SMAD9: variants seen among roughly 807,000 people sequenced by gnomAD.
The protein encoded by SMAD9 is SMAD family member 9.
In SMAD9, 36 loss-of-function variants were observed where a neutral mutation model predicts 46.1. The ratio of observed to expected loss-of-function variants is 0.78; its 90% confidence interval spans 0.60 to 1.03. SMAD9 has a LOEUF of 1.03. Among genes scored for constraint, SMAD9 ranks in the 50% least tolerant of loss-of-function variants. SMAD9 has a pLI of 0.00. For missense variants in SMAD9, 572 were observed against 599.8 expected, an observed-to-expected ratio of 0.95 and a Z score of 0.48; for synonymous variants, 245 against 237.1, an observed-to-expected ratio of 1.03 and a Z score of -0.31.
chr13:36,857,436 C>A (rs1010809168), intron 5 of SMAD9, among the ~76,000 whole-genome samples: 3 of 152,200 alleles, frequency 2.0e-5, no homozygotes, highest in Non-Finnish European at 4.4e-5. Flanking sequence ...TCTGCTTGGG[C>A]TGTGTCTTTC....
Position 36,848,551 on chromosome 13 carries a change from A to G in SMAD9, c.*125T>C. Reference sequence around the variant, plus strand: ...AAAACAAACGGTGATTAAAAAAAATAAGAACAGTATACATTCTATGTATTT... The same window carrying G: ...AAAACAAACGGTGATTAAAAAAAATGAGAACAGTATACATTCTATGTATTT... On this transcript the variant is annotated 3_prime_UTR_variant, in exon 7 of 7. Transcript: ENST00000379826. The G allele has an allele frequency of 1.1e-6, 1 of 950,818 alleles. No homozygotes were observed. Among genetic ancestry groups the G allele is most frequent in the Non-Finnish European group, 1.7e-6 (1 of 587,934 alleles). The allele number at this position is 950,818 out of a possible 1,614,324, so 58.9% of individuals were successfully genotyped here. A position where few individuals can be genotyped will look rare whatever the true frequency, so the allele number is the denominator to read the frequency against.
intron 5 of SMAD9, among the ~76,000 whole-genome samples, chr13:36,861,298 A>G (rs1301271991): frequency 6.6e-6 from 1 of 152,148 alleles, no homozygotes; most frequent in African/African-American, 2.4e-5. Context: ...GGAATGGCTC[A>G]TCATTAACTA....
At chr13:36,906,173 T>C (rs2058618840) in intron 1 of SMAD9, among the ~76,000 whole-genome samples, 1 of 152,192 alleles carries the variant, frequency 6.6e-6, no homozygotes, top group Admixed American at 6.5e-5. Context: ...CATTGAATGT[T>C]ATATCACACA....
At chr13:36,878,133 G>A (rs562367529) in intron 2 of SMAD9, among the ~76,000 whole-genome samples, 86 of 151,412 alleles carry the variant, frequency 5.7e-4, no homozygotes, top group Non-Finnish European at 1.0e-3. Flanking sequence ...AGAGGAGGAG[G>A]AAATATATAC....
At chr13:36,887,040 G>GTTTTTTTTT (rs200264324) in intron 1 of SMAD9, among the ~76,000 whole-genome samples, 10 of 102,542 alleles carry the variant, frequency 9.8e-5, no homozygotes, top group Admixed American at 1.3e-4. Context: ...CTTTGAATGG[G>GTTTTTTTTT]TTTTTTTTTT....
At chr13:36,887,214 C>CTTTT (rs34299786) in intron 1 of SMAD9, among the ~76,000 whole-genome samples, 1 of 65,562 alleles carries the variant, frequency 1.5e-5, no homozygotes, top group African/African-American at 7.2e-5. Context: ...CTGACTAGAT[C>CTTTT]TTTTTTTTTT....
chr13:36,899,730 A>C (rs933012038), intron 1 of SMAD9, among the ~76,000 whole-genome samples: 4 of 152,194 alleles, frequency 2.6e-5, no homozygotes, highest in African/African-American at 9.6e-5. Flanking sequence ...ATGGAATCCT[A>C]AATTTATCAG....
intron 5 of SMAD9, among the ~76,000 whole-genome samples, chr13:36,857,728 G>T (rs1458584873): frequency 6.6e-6 from 1 of 152,112 alleles, no homozygotes; most frequent in Admixed American, 6.6e-5. Context: ...GTAGAAGGAA[G>T]GTGCAGGGAT....
chr13:36,862,796 T>A, intron 5 of SMAD9, among the ~76,000 whole-genome samples: 1 of 152,196 alleles, frequency 6.6e-6, no homozygotes. Flanking sequence ...TCTGGTAACA[T>A]CTTCTCAAAT....
Position 36,848,212 on chromosome 13 carries a change from G to A in SMAD9, c.*464C>T. The A allele has an allele frequency of 6.2e-6, 1 of 161,510 alleles. No individual in the cohort carries two copies. The highest frequency in any genetic ancestry group is 1.4e-5 in the Non-Finnish European group (1 of 73,558). 10.0% of individuals were successfully genotyped at this position (161,510 alleles called of 1,614,324 possible). A position where few individuals can be genotyped will look rare whatever the true frequency, so the allele number is the denominator to read the frequency against. ...TGTTGTTTTTTTTTTCTTGCCAACA[G>A]CACTAAAAGTGACATCATTTAAACT... On this transcript the variant is annotated 3_prime_UTR_variant, in exon 7 of 7. Transcript: ENST00000379826.
chr13:36,873,067 A>G, intron 2 of SMAD9, 152 bp from the exon 3 acceptor site: 1 of 867,804 alleles, frequency 1.2e-6, no homozygotes, highest in Non-Finnish European at 1.8e-6. Flanking sequence ...TGCTCATCAT[A>G]AAACTGTCGA....
intron 1 of SMAD9, among the ~76,000 whole-genome samples, chr13:36,888,990 C>G (rs2058469657): frequency 6.6e-6 from 1 of 152,106 alleles, no homozygotes; most frequent in Admixed American, 6.5e-5. Context: ...CATTTTATAT[C>G]AACTGAAAAA....
chr13:36,888,310 C>T (rs1033517712), intron 1 of SMAD9, among the ~76,000 whole-genome samples: 1 of 152,088 alleles, frequency 6.6e-6, no homozygotes, highest in Non-Finnish European at 1.5e-5. Flanking sequence ...GTAAGTGTCT[C>T]GCACTTCCCC....
intron 1 of SMAD9, among the ~76,000 whole-genome samples, chr13:36,917,247 G>C (rs983155210): frequency 1.3e-5 from 2 of 152,004 alleles, no homozygotes; most frequent in African/African-American, 4.8e-5. Context: ...AAATTTACCG[G>C]AATATTTATT....
intron 5 of SMAD9, among the ~76,000 whole-genome samples, chr13:36,863,833 G>A (rs377368849): frequency 3.3e-5 from 5 of 152,228 alleles, no homozygotes; most frequent in African/African-American, 9.6e-5. Flanking sequence ...GCAGACCCAT[G>A]GGCCAAATAA....
At chr13:36,852,677 T>A (rs889612219) in intron 6 of SMAD9, among the ~76,000 whole-genome samples, 10 of 152,240 alleles carry the variant, frequency 6.6e-5, no homozygotes, top group African/African-American at 2.2e-4. Flanking sequence ...CCTATTTTTG[T>A]AGCTTATTCA....
At chr13:36,863,855 T>A (rs182322652) in intron 5 of SMAD9, among the ~76,000 whole-genome samples, 13 of 152,298 alleles carry the variant, frequency 8.5e-5, no homozygotes, top group East Asian at 1.9e-4. Context: ...CCTCTTTTTT[T>A]AATAAATTAC....
chr13:36,865,385 G>A (rs1349774109), intron 5 of SMAD9, 152 bp downstream of exon 5: 1 of 683,774 alleles, frequency 1.5e-6, no homozygotes, highest in Admixed American at 2.1e-5. Context: ...TTTCCCCAGT[G>A]GTAATGTCAG....
chr13:36,854,324 A>G (rs551109547), intron 5 of SMAD9, among the ~76,000 whole-genome samples: 1 of 152,304 alleles, frequency 6.6e-6, no homozygotes, highest in East Asian at 1.9e-4. Flanking sequence ...AAGTGAATAT[A>G]TCACACAAAA....
Sources: gnomAD v4.1 joint callset for allele counts (sites outside exome capture counted in the v4.1 genomes callset) on GRCh38, gnomAD v4.1.1 for gene constraint, MANE v1.5 for transcripts, NCBI Gene and HGNC (gene_info 2026-07-23, HGNC 2026-07-21) for gene names.